HECA: variants seen among roughly 807,000 people sequenced by gnomAD.
The protein encoded by HECA is HECA ribonucleoprotein granule regulator.
HECA carries 13 observed loss-of-function variants against 37.6 expected under a neutral mutation model. That is an observed-to-expected ratio of 0.35 (90% CI 0.23 to 0.55). HECA has a LOEUF of 0.55. HECA is among the 20% of genes least tolerant of loss of function. The pLI is 0.90. For synonymous variants in HECA, 307 were observed against 291.5 expected (o/e 1.05, Z -0.54); for missense variants, 527 against 701.9 (o/e 0.75, Z 2.82).
At chr6:139,168,461 C>T (rs1234819949) in intron 2 of HECA, among the ~76,000 whole-genome samples, 4 of 147,274 alleles carry the variant, frequency 2.7e-5, no homozygotes, top group East Asian at 4.0e-4. Context: ...CTAGTTCTCA[C>T]TCTCCAGCAG....
At chr6:139,148,230 TG>T (rs1774608723) in intron 1 of HECA, among the ~76,000 whole-genome samples, 1 of 152,242 alleles carries the variant, frequency 6.6e-6, no homozygotes, top group African/African-American at 2.4e-5. Context: ...GCCTTATTTA[TG>T]GTTGTCTTTG....
chr6:139,153,847 T>C (rs1774682363), intron 1 of HECA, among the ~76,000 whole-genome samples: 2 of 152,346 alleles, frequency 1.3e-5, no homozygotes, highest in Middle Eastern at 3.4e-3. Context: ...TATTTTCCTA[T>C]AACAAAATAT....
Position 139,167,342 on chromosome 6 carries a change from C to G in HECA, c.1312+18C>G. 1 of 1,517,904 alleles carries G rather than the reference C, an allele frequency of 6.6e-7. No individual in the cohort carries two copies. The highest frequency in any genetic ancestry group is 9.0e-7 in the Non-Finnish European group (1 of 1,112,578). The allele number at this position is 1,517,904 out of a possible 1,614,324, so 94.0% of individuals were successfully genotyped here. A position where few individuals can be genotyped will look rare whatever the true frequency, so the allele number is the denominator to read the frequency against. ...CCTTCAAGGTATAGGTGTTAATTCA[C>G]CTTGCCTGCTTTCTGTTTGTTAAAA... On this transcript the variant is annotated intron_variant, in intron 2 of 3. Coordinates refer to ENST00000367658, the MANE Select transcript of HECA (RefSeq NM_016217.3).
intron 1 of HECA, among the ~76,000 whole-genome samples, chr6:139,139,172 C>G (rs1177418996): frequency 6.6e-6 from 1 of 152,192 alleles, no homozygotes; most frequent in African/African-American, 2.4e-5. Flanking sequence ...ATTCATGGAA[C>G]TGTTTCTAGC....
chr6:139,148,373 G>A lies in HECA; in HGVS notation c.271+12706G>A, dbSNP rs554278987. 2.6e-5 allele frequency among the ~76,000 whole-genome samples: 4 copies of A among 152,330 alleles called. No individual in the cohort carries two copies. In the East Asian group the frequency reaches 5.8e-4, roughly 22 times the overall value. On this transcript the variant is annotated intron_variant, in intron 1 of 3. Coordinates refer to ENST00000367658, the MANE Select transcript of HECA (RefSeq NM_016217.3). ...GCAGTTTGGGCATGGCATAAAGTTA[G>A]CAACTTTGAGTTCATTTGTATACCA...
chr6:139,158,329 C>G (rs994720925), intron 1 of HECA, among the ~76,000 whole-genome samples: 1 of 151,966 alleles, frequency 6.6e-6, no homozygotes, highest in South Asian at 2.1e-4. Context: ...AGTGAAACTC[C>G]GTCTCTACTA....
In HECA at chr6:139,176,638, C is replaced by T. The variant is rs1309214343; in HGVS notation, c.1468-303C>T. On this transcript the variant is annotated intron_variant, in intron 3 of 3. Coordinates refer to ENST00000367658, the MANE Select transcript of HECA (RefSeq NM_016217.3). This position sits in a 1 kb window ranked among gnomAD's most constrained non-coding sequence, Gnocchi z 4.5. ...TGGAGGTTTGGGTGAGGGAAGTCAG[C>T]TTCAGCCGCTGTCTTAAAATCCAGG... Among the ~76,000 whole-genome samples, 1 of 152,190 alleles carries T rather than the reference C, an allele frequency of 6.6e-6. No individual in the cohort carries two copies. The highest frequency in any genetic ancestry group is 1.9e-4 in the East Asian group (1 of 5,194).
At chr6:139,169,367 C>T (rs1342877350) in intron 2 of HECA, among the ~76,000 whole-genome samples, 4 of 151,914 alleles carry the variant, frequency 2.6e-5, no homozygotes, top group Non-Finnish European at 5.9e-5. Flanking sequence ...GGTGTTTTTA[C>T]GGAGTTACAA....
At chr6:139,140,669 C>T (rs1045491238) in intron 1 of HECA, among the ~76,000 whole-genome samples, 1 of 152,226 alleles carries the variant, frequency 6.6e-6, no homozygotes, top group African/African-American at 2.4e-5. Flanking sequence ...TCTCTTGCAG[C>T]TTAATCCTCC....
intron 1 of HECA, among the ~76,000 whole-genome samples, chr6:139,153,797 T>G (rs144009965): frequency 6.6e-6 from 1 of 152,310 alleles, no homozygotes; most frequent in East Asian, 1.9e-4. Context: ...TAAGACAGGG[T>G]ATTGTCCTGC....
chr6:139,161,241 G>T (rs1774797801), intron 1 of HECA, among the ~76,000 whole-genome samples: 1 of 152,126 alleles, frequency 6.6e-6, no homozygotes, highest in Non-Finnish European at 1.5e-5. Flanking sequence ...CCCTGCTGGT[G>T]TGTCATAGGG....
intron 1 of HECA, among the ~76,000 whole-genome samples, chr6:139,163,807 C>A (rs1774841656): frequency 6.6e-6 from 1 of 152,156 alleles, no homozygotes; most frequent in Admixed American, 6.5e-5. Flanking sequence ...TCTGCCCACT[C>A]CTCCCGTTTT....
intron 1 of HECA, among the ~76,000 whole-genome samples, chr6:139,156,218 C>A (rs1254291911): frequency 2.1e-5 from 3 of 145,466 alleles, no homozygotes; most frequent in African/African-American, 5.1e-5. Context: ...TTTTTTTTTT[C>A]TTTGACAGGG....
chr6:139,136,213 C>G (rs1171873726), intron 1 of HECA, among the ~76,000 whole-genome samples: 1 of 146,576 alleles, frequency 6.8e-6, no homozygotes, highest in African/African-American at 2.5e-5. Context: ...AATTTTTTGG[C>G]TTGCTTGAGG....
intron 1 of HECA, among the ~76,000 whole-genome samples, chr6:139,140,613 T>C (rs959744005): frequency 3.3e-5 from 5 of 152,236 alleles, no homozygotes; most frequent in African/African-American, 1.2e-4. Flanking sequence ...TCCAAGAATA[T>C]ATTTCATTCC....
chr6:139,176,815 T>A lies in HECA; in HGVS notation c.1468-126T>A. On this transcript the variant is annotated intron_variant, in intron 3 of 3. Transcript: ENST00000367658. The surrounding 1 kb of genome is among the most constrained non-coding windows in gnomAD (Gnocchi z 4.5). ...CTTTCAGGTATACCCCGTTTCCATG[T>A]TTTTGGTAGTAAAAGGGATGCTTTG... is the stretch of plus-strand genomic sequence containing the variant. The A allele has an allele frequency of 1.5e-6, 1 of 646,152 alleles. No individual in the cohort carries two copies. Among genetic ancestry groups the A allele is most frequent in the Non-Finnish European group, 2.8e-6 (1 of 362,984 alleles). 40.0% of individuals were successfully genotyped at this position (646,152 alleles called of 1,614,324 possible). A position where few individuals can be genotyped will look rare whatever the true frequency, so the allele number is the denominator to read the frequency against.
intron 1 of HECA, chr6:139,166,021 C>T (rs1774878897): frequency 2.8e-6 from 1 of 362,110 alleles, no homozygotes; most frequent in Non-Finnish European, 4.9e-6. Flanking sequence ...GTTCCAGCGG[C>T]TTTCTGGTAT....
chr6:139,168,503 C>T (rs1774926886), intron 2 of HECA, among the ~76,000 whole-genome samples: 1 of 150,668 alleles, frequency 6.6e-6, no homozygotes, highest in Non-Finnish European at 1.5e-5. Context: ...GACATTTCCA[C>T]ATACCTGTCA....
At chr6:139,165,415 T>C (rs552417094) in intron 1 of HECA, among the ~76,000 whole-genome samples, 3 of 152,304 alleles carry the variant, frequency 2.0e-5, no homozygotes, top group African/African-American at 7.2e-5. Context: ...ATCATTGTCA[T>C]TTAATTTCAT....
Sources: gnomAD v4.1 joint callset for allele counts (sites outside exome capture counted in the v4.1 genomes callset) on GRCh38, gnomAD v4.1.1 for gene constraint, Gnocchi (gnomAD v3.1) non-coding constraint, MANE v1.5 for transcripts, NCBI Gene and HGNC (gene_info 2026-07-23, HGNC 2026-07-21) for gene names.